Variants in AMPH observed in about 807,000 individuals in gnomAD.
AMPH encodes amphiphysin.
Under a neutral mutation model 99.1 loss-of-function variants are expected in AMPH, and 49 were observed. That is an observed-to-expected ratio of 0.49 (90% CI 0.39 to 0.63). The LOEUF (loss-of-function observed/expected upper bound fraction) is 0.63. Ranked by LOEUF, AMPH falls within the 20% of genes least tolerant of loss-of-function variation. The pLI is 0.00. For missense variants in AMPH, 759 were observed against 863.4 expected, an observed-to-expected ratio of 0.88 and a Z score of 1.52; for synonymous variants, 314 against 317.3, an observed-to-expected ratio of 0.99 and a Z score of 0.11.
intron 11 of AMPH, among the ~76,000 whole-genome samples, chr7:38,453,453 C>T (rs958820609): frequency 6.6e-6 from 1 of 152,164 alleles, no homozygotes; most frequent in African/African-American, 2.4e-5. Context: ...ACTTCCTCTG[C>T]CCCAGTTCTT....
intron 2 of AMPH, among the ~76,000 whole-genome samples, chr7:38,515,789 A>G (rs963874543): frequency 6.6e-6 from 1 of 152,234 alleles, no homozygotes; most frequent in African/African-American, 2.4e-5. Context: ...TGTTGTAACC[A>G]AAATTCTGAT....
intron 2 of AMPH, among the ~76,000 whole-genome samples, chr7:38,529,412 G>C (rs1252507271): frequency 6.6e-6 from 1 of 152,246 alleles, no homozygotes; most frequent in Admixed American, 6.5e-5. Flanking sequence ...TTGGGAACTT[G>C]TCAGAAATGC....
At chr7:38,445,004 T>TATAC (rs1562759941) in intron 11 of AMPH, among the ~76,000 whole-genome samples, 2,458 of 124,242 alleles carry the variant, frequency 0.02, 173 homozygotes, top group South Asian at 0.054. Context: ...TATATATATA[T>TATAC]ATATATACAC....
intron 7 of AMPH, among the ~76,000 whole-genome samples, chr7:38,467,796 AT>A (rs1787720240): frequency 6.6e-6 from 1 of 152,116 alleles, no homozygotes; most frequent in South Asian, 2.1e-4. Context: ...GTGAGTGGAT[AT>A]GGGCAGAAAC....
intron 11 of AMPH, among the ~76,000 whole-genome samples, chr7:38,446,501 C>T (rs911176893): frequency 2.6e-5 from 4 of 152,118 alleles, no homozygotes; most frequent in African/African-American, 4.8e-5. Context: ...TAATGAATTT[C>T]GTAATCCAAA....
chr7:38,409,632 G>C (rs1221567886), intron 17 of AMPH, among the ~76,000 whole-genome samples: 1 of 152,030 alleles, frequency 6.6e-6, no homozygotes, highest in East Asian at 1.9e-4. Context: ...ACAACCTTCA[G>C]CTCAATCATC....
At chr7:38,483,169 T>C (rs1788357580) in intron 5 of AMPH, among the ~76,000 whole-genome samples, 1 of 151,802 alleles carries the variant, frequency 6.6e-6, no homozygotes. Context: ...CCCAAGGGAG[T>C]GCCTTCTACT....
chr7:38,462,220 C>T (rs1029398809), intron 10 of AMPH, among the ~76,000 whole-genome samples: 9 of 152,108 alleles, frequency 5.9e-5, no homozygotes, highest in Admixed American at 2.0e-4. Flanking sequence ...GCGTTCTCGG[C>T]GCGTTTAAGG....
chr7:38,436,438 T>C, intron 11 of AMPH, 50 bp from the exon 12 acceptor site: 1 of 1,360,956 alleles, frequency 7.3e-7, no homozygotes, highest in South Asian at 1.2e-5. Context: ...AGCTTGAATC[T>C]GATAAGACCA....
rs533342615 is a variant in AMPH at position 38,502,476 on chromosome 7, C to T, written c.205+1174G>A. On this transcript the variant is annotated intron_variant, in intron 3 of 20. Transcript: ENST00000356264. ...AGATTAATTCCTTGTCTACAAGGAA[C>T]ACCTGAGCCCTGAGCCTGTCCCATT... is the stretch of plus-strand genomic sequence containing the variant. Among the ~76,000 whole-genome samples, 32 of 152,150 alleles carry T rather than the reference C, an allele frequency of 2.1e-4. No individual in the cohort carries two copies. The East Asian group carries it at 6.2e-3, about 29-fold the overall frequency.
chr7:38,543,981 T>C (rs1035650520), intron 1 of AMPH, among the ~76,000 whole-genome samples: 1 of 152,244 alleles, frequency 6.6e-6, no homozygotes, highest in Non-Finnish European at 1.5e-5. Context: ...CATTAATTAA[T>C]GAGGAAACTG....
chr7:38,594,014 A>G (rs1792958271), intron 1 of AMPH, among the ~76,000 whole-genome samples: 1 of 152,104 alleles, frequency 6.6e-6, no homozygotes, highest in African/African-American at 2.4e-5. Context: ...GGGCTTTGAG[A>G]GGAGGCCTGA....
chr7:38,387,756 T>C (rs1314246037), intron 20 of AMPH, among the ~76,000 whole-genome samples: 2 of 150,330 alleles, frequency 1.3e-5, no homozygotes, highest in Non-Finnish European at 3.0e-5. Flanking sequence ...AGTCTAAGGA[T>C]CTCAGTGATT....
At chr7:38,419,197 A>G (rs921480446) in intron 16 of AMPH, among the ~76,000 whole-genome samples, 101 of 152,152 alleles carry the variant, frequency 6.6e-4, no homozygotes, top group African/African-American at 2.4e-3. Flanking sequence ...ACACACCTCT[A>G]TTTGTCCTGT....
At chr7:38,613,599 A>G (rs1793760348) in intron 1 of AMPH, among the ~76,000 whole-genome samples, 2 of 152,156 alleles carry the variant, frequency 1.3e-5, no homozygotes, top group Non-Finnish European at 2.9e-5. Flanking sequence ...TCATCTCTGA[A>G]CCTTTCATAA....
chr7:38,581,962 T>C (rs1247298346), intron 1 of AMPH, among the ~76,000 whole-genome samples: 1 of 152,024 alleles, frequency 6.6e-6, no homozygotes. Flanking sequence ...ATTAGATGCC[T>C]AAGAAGAGAT....
chr7:38,571,275 A>ATT (rs1562835168), intron 1 of AMPH, among the ~76,000 whole-genome samples: 2,476 of 52,230 alleles, frequency 0.047, 420 homozygotes, highest in Admixed American at 0.11. Context: ...ATTTATATAT[A>ATT]TATTTTTATA....
At chr7:38,592,124 G>A (rs1203479849) in intron 1 of AMPH, among the ~76,000 whole-genome samples, 4 of 152,244 alleles carry the variant, frequency 2.6e-5, no homozygotes, top group Non-Finnish European at 5.9e-5. Flanking sequence ...GCTCTGGCTA[G>A]TTATCTGCAG....
intron 2 of AMPH, among the ~76,000 whole-genome samples, chr7:38,533,864 G>C (rs1450244117): frequency 6.6e-6 from 1 of 151,934 alleles, no homozygotes; most frequent in Non-Finnish European, 1.5e-5. Context: ...AACCTCAGAC[G>C]GCCCCACTCC....
Sources: gnomAD v4.1 joint callset for allele counts (sites outside exome capture counted in the v4.1 genomes callset) on GRCh38, gnomAD v4.1.1 for gene constraint, MANE v1.5 for transcripts, NCBI Gene and HGNC (gene_info 2026-07-23, HGNC 2026-07-21) for gene names.